Variants in PGGT1B observed in about 807,000 individuals in gnomAD.
The protein encoded by PGGT1B is protein geranylgeranyltransferase type I subunit beta, also known as geranylgeranyl transferase type-1 subunit beta.
In PGGT1B, 30 loss-of-function variants were observed where a neutral mutation model predicts 46.1. The observed-to-expected ratio is 0.65, with a 90% CI of 0.49 to 0.88. The LOEUF (loss-of-function observed/expected upper bound fraction) is 0.88, where lower values mean the gene tolerates loss of function less well. PGGT1B is among the 40% of genes least tolerant of loss of function. The pLI is 0.00. For missense variants in PGGT1B, 376 were observed against 455.9 expected (o/e 0.82, Z 1.60); for synonymous variants, 170 against 160.0 (o/e 1.06, Z -0.47).
rs1756114649 is a variant in PGGT1B, at chr5:115,208,048, C to T, written c.*4354G>A. 6.6e-6 allele frequency: 1 copy of T among 151,858 alleles called. No homozygotes were observed. The highest frequency in any genetic ancestry group is 6.6e-5 in the Admixed American group (1 of 15,208). The allele number at this position is 151,858 out of a possible 1,614,324, so 9.4% of individuals were successfully genotyped here. On this transcript the variant is annotated 3_prime_UTR_variant, in exon 9 of 9. Coordinates refer to ENST00000419445, the MANE Select transcript of PGGT1B (RefSeq NM_005023.4). Reference sequence around the variant, plus strand: ...ACAGATTATCTAGTATTGAACTACCCTTGCATTCTTACAATAAACCCAACT... The same window carrying T: ...ACAGATTATCTAGTATTGAACTACCTTTGCATTCTTACAATAAACCCAACT...
intron 2 of PGGT1B, among the ~76,000 whole-genome samples, chr5:115,249,498 A>T (rs1747994377): frequency 6.6e-6 from 1 of 152,000 alleles, no homozygotes. Context: ...ACTAATTCCA[A>T]CTGGCTAATT....
intron 7 of PGGT1B, among the ~76,000 whole-genome samples, chr5:115,217,893 A>G (rs1756469275): frequency 6.6e-6 from 1 of 152,000 alleles, no homozygotes; most frequent in African/African-American, 2.4e-5. Context: ...AAAAATTATA[A>G]TAGTAACACT....
rs1756022865 is a variant in PGGT1B at position 115,205,078 on chromosome 5, T to C, written c.*7324A>G. 1 of 152,194 alleles carries C rather than the reference T, an allele frequency of 6.6e-6. No individual in the cohort carries two copies. The highest frequency in any genetic ancestry group is 2.4e-5 in the African/African-American group (1 of 41,454). The allele number at this position is 152,194 out of a possible 1,614,324, so 9.4% of individuals were successfully genotyped here. A position where few individuals can be genotyped will look rare whatever the true frequency, so the allele number is the denominator to read the frequency against. On this transcript the variant is annotated 3_prime_UTR_variant, in exon 9 of 9. Coordinates refer to ENST00000419445, the MANE Select transcript of PGGT1B (RefSeq NM_005023.4). The stretch of plus-strand genomic sequence containing the variant: ...TTTATCAAATCGATTTTAGTGATTG[T>C]TTTCCTTCAATCTTTAGAGATTTCA...
At chr5:115,215,508 G>C (rs898178608) in intron 8 of PGGT1B, among the ~76,000 whole-genome samples, 2 of 151,960 alleles carry the variant, frequency 1.3e-5, no homozygotes, top group African/African-American at 4.8e-5. Context: ...CATGTGGCCA[G>C]GCTAGTCTCA....
chr5:115,216,922 A>C lies in PGGT1B; in HGVS notation c.895T>G (p.Leu299Val). The C allele has an allele frequency of 6.3e-7, 1 of 1,594,746 alleles. No homozygotes were observed. Among genetic ancestry groups the C allele is most frequent in the Non-Finnish European group, 8.6e-7 (1 of 1,164,554 alleles). The change falls in exon 8 of 9, where the codon TTA becomes GTA. Residue 299 changes from leucine to valine, a missense_variant. Around this residue, in one of 2 missense-constraint regions of PGGT1B, gnomAD observed 222 missense variants for 313.6 expected, o/e 0.71. Coordinates refer to ENST00000419445, the MANE Select transcript of PGGT1B (RefSeq NM_005023.4). ...CCTACAAGGCGATCTTGAGTTGATA[A>C]GATGTAATTTCTATTTTTCTCAAAG... ...TNFEKNRNYI[L>V]STQDRLVGGF... is the part of the protein sequence containing the mutation.
At chr5:115,247,907 T>C (rs941014104) in intron 2 of PGGT1B, among the ~76,000 whole-genome samples, 3 of 152,198 alleles carry the variant, frequency 2.0e-5, no homozygotes, top group African/African-American at 4.8e-5. Context: ...GCTGGATATA[T>C]AAATGAACAT....
intron 2 of PGGT1B, among the ~76,000 whole-genome samples, chr5:115,249,126 C>G (rs537001335): frequency 6.6e-6 from 1 of 151,324 alleles, no homozygotes; most frequent in Non-Finnish European, 1.5e-5. Context: ...TTGCCATCCC[C>G]CCACCTCTGT....
At chr5:115,231,205 C>A (rs183873543) in intron 5 of PGGT1B, among the ~76,000 whole-genome samples, 184 bp from the exon 6 acceptor site, 3 of 151,954 alleles carry the variant, frequency 2.0e-5, no homozygotes, top group Admixed American at 1.3e-4. Context: ...ACCTGATTTT[C>A]TCTTCTTATT....
intron 2 of PGGT1B, among the ~76,000 whole-genome samples, chr5:115,248,316 G>A (rs1255210236): frequency 6.6e-6 from 1 of 152,142 alleles, no homozygotes; most frequent in Non-Finnish European, 1.5e-5. Context: ...AATATCCAAA[G>A]GACTAGAAAA....
chr5:115,220,727 T>G (rs754800194), intron 7 of PGGT1B, among the ~76,000 whole-genome samples: 1 of 151,876 alleles, frequency 6.6e-6, no homozygotes, highest in Non-Finnish European at 1.5e-5. Context: ...GGATATTTAA[T>G]GATAATAAGA....
Position 115,206,514 on chromosome 5 carries a change from G to A in PGGT1B, c.*5888C>T, listed in dbSNP as rs550892759. 7.2e-5 allele frequency: 11 copies of A among 152,076 alleles called. No individual in the cohort carries two copies. Among genetic ancestry groups the A allele is most frequent in the African/African-American group, 2.4e-4 (10 of 41,534 alleles). The allele number at this position is 152,076 out of a possible 1,614,324, so 9.4% of individuals were successfully genotyped here. A position where few individuals can be genotyped will look rare whatever the true frequency, so the allele number is the denominator to read the frequency against. ...TTTACTGTATTCTAAATGCCACTGA[G>A]TCTATTTCTGGAATTCCTCTTCTGT... On this transcript the variant is annotated 3_prime_UTR_variant, in exon 9 of 9. Transcript: ENST00000419445.
chr5:115,250,993 T>C (rs1226018488), intron 2 of PGGT1B, among the ~76,000 whole-genome samples: 1 of 152,198 alleles, frequency 6.6e-6, no homozygotes, highest in African/African-American at 2.4e-5. Flanking sequence ...TGCTAATATA[T>C]CCTTTATCCA....
At chr5:115,214,460 T>C (rs572825244) in intron 8 of PGGT1B, among the ~76,000 whole-genome samples, 1 of 152,282 alleles carries the variant, frequency 6.6e-6, no homozygotes, top group East Asian at 1.9e-4. Flanking sequence ...GTATATAAAA[T>C]CCCTTTGTAT....
chr5:115,250,580 T>G (rs1748049000), intron 2 of PGGT1B, among the ~76,000 whole-genome samples: 1 of 152,158 alleles, frequency 6.6e-6, no homozygotes, highest in Admixed American at 6.6e-5. Context: ...AGTTGACAGT[T>G]TAATGGGAAA....
chr5:115,207,351 A>G lies in PGGT1B; in HGVS notation c.*5051T>C, dbSNP rs1387222537. 1 of 151,664 alleles carries G rather than the reference A, an allele frequency of 6.6e-6. No homozygotes were observed. Among genetic ancestry groups the G allele is most frequent in the Admixed American group, 6.6e-5 (1 of 15,204 alleles). The allele number at this position is 151,664 out of a possible 1,614,324, so 9.4% of individuals were successfully genotyped here. On this transcript the variant is annotated 3_prime_UTR_variant, in exon 9 of 9. Transcript: ENST00000419445. The stretch of plus-strand genomic sequence containing the variant: ...CACCTAGATCATGAAACAGAACATT[A>G]CCAGCACCGCAGAGTCTCCCTTGTA...
chr5:115,234,212 C>G (rs1195267481), intron 5 of PGGT1B, among the ~76,000 whole-genome samples: 1 of 58,646 alleles, frequency 1.7e-5, no homozygotes, highest in Non-Finnish European at 2.9e-5. Flanking sequence ...AAAAAGCAAA[C>G]AGCAAAAAAA....
intron 3 of PGGT1B, 78 bp downstream of exon 3, chr5:115,241,461 G>A (rs755953709): frequency 1.2e-6 from 1 of 800,210 alleles, no homozygotes; most frequent in Admixed American, 3.0e-5. Context: ...GTTTTTTTCT[G>A]TGTAACTTCT....
chr5:115,249,183 G>T (rs1028375864), intron 2 of PGGT1B, among the ~76,000 whole-genome samples: 1 of 151,018 alleles, frequency 6.6e-6, no homozygotes, highest in African/African-American at 2.4e-5. Context: ...TATCCTTTCT[G>T]AGTTTTTCCT....
In PGGT1B at chr5:115,253,231, G is replaced by T; in HGVS notation, c.165C>A (p.Leu55=). Reference sequence around the variant, plus strand: ...AGGAATCCAACATATCCAGCCCGGAGAGTGCAAAAAATGCAATTGTCAACC... The same window carrying T: ...AGGAATCCAACATATCCAGCCCGGATAGTGCAAAAAATGCAATTGTCAACC... ...TSRLTIAFFA[L]SGLDMLDSLD... The change falls in exon 2 of 9, where the codon CTC becomes CTA. Residue 55 remains leucine, a synonymous_variant. Coordinates refer to ENST00000419445, the MANE Select transcript of PGGT1B (RefSeq NM_005023.4). 6.3e-7 allele frequency: 1 copy of T among 1,582,996 alleles called. No homozygotes were observed. Among genetic ancestry groups the T allele is most frequent in the Non-Finnish European group, 8.6e-7 (1 of 1,169,476 alleles).
Sources: allele counts gnomAD v4.1 joint callset (sites outside exome capture counted in the v4.1 genomes callset), GRCh38; gene constraint gnomAD v4.1.1; regional missense constraint gnomAD v4.1.1; transcripts MANE v1.5; gene names NCBI Gene and HGNC (gene_info 2026-07-23, HGNC 2026-07-21).